The following PC variants were observed in gnomAD, a reference collection of about 807,000 sequenced individuals.
The protein encoded by PC is pyruvate carboxylase, mitochondrial.
In PC, 46 loss-of-function variants were observed where a neutral mutation model predicts 107.8. The observed-to-expected ratio is 0.43, with a 90% confidence interval of 0.34 to 0.55. The LOEUF is 0.55. PC is among the 20% of genes least tolerant of loss of function. The pLI is 0.04. For synonymous variants in PC, 662 were observed against 684.7 expected (o/e 0.97, Z 0.52); for missense variants, 1,241 against 1,643.1 (o/e 0.76, Z 4.23).
At chr11:66,920,177 G>A (rs1565287364) in intron 3 of PC, among the ~76,000 whole-genome samples, 1 of 152,218 alleles carries the variant, frequency 6.6e-6, no homozygotes, top group African/African-American at 2.4e-5. Context: ...GGGGAAAGAC[G>A]AGAGAGATGG....
In PC at chr11:66,863,871, G is replaced by T; in HGVS notation, c.1271C>A (p.Ser424Tyr). 6.2e-7 allele frequency: 1 copy of T among 1,614,132 alleles called. No homozygotes were observed. Among genetic ancestry groups the T allele is most frequent in the East Asian group, 2.2e-5 (1 of 44,882 alleles). The change falls in exon 12 of 23, where the codon TCC becomes TAC. Residue 424 changes from serine to tyrosine, a missense_variant. By Grantham distance (144) the Ser-to-Tyr change is moderately radical. Around this residue, in one of 2 missense-constraint regions of PC, gnomAD observed 1,143 missense variants for 1,551.9 expected, o/e 0.74. Transcript: ENST00000393960. ...GTGGGCAATGACTTTGACCAGCAGGGAGTCGTAGTGGGGCGAGATGACGGC... is the reference window on the plus strand; with the variant it reads ...GTGGGCAATGACTTTGACCAGCAGGTAGTCGTAGTGGGGCGAGATGACGGC... Reference protein sequence around the residue: ...QGAVISPHYDSLLVKVIAHGK... With the variant: ...QGAVISPHYDYLLVKVIAHGK...
intron 3 of PC, among the ~76,000 whole-genome samples, chr11:66,929,766 C>T (rs1272912655): frequency 6.6e-6 from 1 of 152,138 alleles, no homozygotes; most frequent in African/African-American, 2.4e-5. Flanking sequence ...ATCTTTCCAC[C>T]TTGTCCTCCC....
intron 22 of PC, 33 bp from the exon 23 acceptor site, chr11:66,849,180 C>T: frequency 6.2e-7 from 1 of 1,613,720 alleles, no homozygotes; most frequent in South Asian, 1.1e-5. Flanking sequence ...ACATGACATC[C>T]TGGGCCCAGC....
At position 66,907,347 on chromosome 11, in the gene PC, G is replaced by T. The variant is rs190498553; in HGVS notation, c.1-35188C>A. Among the ~76,000 whole-genome samples, 283 of 152,294 alleles carry T rather than the reference G, an allele frequency of 1.9e-3. 1 individual carries two copies. Among genetic ancestry groups the T allele is most frequent in the African/African-American group, 6.6e-3 (275 of 41,564 alleles). On this transcript the variant is annotated intron_variant, in intron 3 of 22. Transcript: ENST00000393960. Reference sequence around the variant, plus strand: ...GTTCAAGACCATCCTGGCCAGCATGGTGAAACCCCGTCTCTACGAAAAATA... The same window carrying T: ...GTTCAAGACCATCCTGGCCAGCATGTTGAAACCCCGTCTCTACGAAAAATA...
intron 3 of PC, among the ~76,000 whole-genome samples, chr11:66,908,214 T>G (rs536383776): frequency 1.3e-5 from 2 of 152,046 alleles, no homozygotes; most frequent in Non-Finnish European, 2.9e-5. Context: ...GCATCTGGCC[T>G]AAGGAAAGGA....
chr11:66,937,858 T>C (rs1418765326), intron 3 of PC, among the ~76,000 whole-genome samples: 2 of 150,484 alleles, frequency 1.3e-5, no homozygotes, highest in Admixed American at 6.7e-5. Flanking sequence ...CTCACTGCAA[T>C]CTCCACCTCC....
rs191401494 is a variant in PC at position 66,900,415 on chromosome 11, G to A, written c.1-28256C>T. ...CTGACCTCATGATCCGCCCGCCTTG[G>A]CCTCCCAAAGTGCTGGGATTACAGG... On this transcript the variant is annotated intron_variant, in intron 3 of 22. Coordinates refer to ENST00000393960, the MANE Select transcript of PC (RefSeq NM_001040716.2). Among the ~76,000 whole-genome samples the A allele has an allele frequency of 2.3e-3, 357 of 152,146 alleles. 1 individual carries two copies. Among genetic ancestry groups the A allele is most frequent in the Non-Finnish European group, 4.5e-3 (305 of 67,994 alleles).
Position 66,852,697 on chromosome 11 carries a change from G to A in PC, c.1604-37C>T, listed in dbSNP as rs767957058. On this transcript the variant is annotated intron_variant, in intron 14 of 22. Coordinates refer to ENST00000393960, the MANE Select transcript of PC (RefSeq NM_001040716.2). The surrounding 1 kb of genome is among the most constrained non-coding windows in gnomAD (Gnocchi z 4.7). ...AGGGGCATTGGTGCCCATCCTGCAGGTGGCAACCTCCTGTCTCCCCCATGA... is the reference window on the plus strand; with the variant it reads ...AGGGGCATTGGTGCCCATCCTGCAGATGGCAACCTCCTGTCTCCCCCATGA... 2.5e-6 allele frequency: 4 copies of A among 1,611,058 alleles called. No homozygotes were observed. Among genetic ancestry groups the A allele is most frequent in the South Asian group, 1.1e-5 (1 of 90,952 alleles).
chr11:66,956,714 C>A (rs79002627), intron 1 of PC, among the ~76,000 whole-genome samples: 1,534 of 152,338 alleles, frequency 0.01, 28 homozygotes, highest in African/African-American at 0.034. Flanking sequence ...ACCTCCTCCA[C>A]GAAGCCTTCC....
intron 21 of PC, 79 bp downstream of exon 21, chr11:66,849,531 TG>T: frequency 1.2e-6 from 2 of 1,611,936 alleles, no homozygotes; most frequent in Non-Finnish European, 1.7e-6. Context: ...CTTGCGAGGC[TG>T]GGTGACAGCC....
intron 10 of PC, among the ~76,000 whole-genome samples, chr11:66,867,430 G>A (rs1946542009): frequency 6.6e-6 from 1 of 152,170 alleles, no homozygotes; most frequent in Non-Finnish European, 1.5e-5. Flanking sequence ...ACTGAGGCTT[G>A]TGGTGAAGGC....
chr11:66,870,151 T>C lies in PC; in HGVS notation c.903+151A>G. 1 of 958,468 alleles carries C rather than the reference T, an allele frequency of 1.0e-6. No individual in the cohort carries two copies. 59.4% of individuals were successfully genotyped at this position (958,468 alleles called of 1,614,324 possible). On this transcript the variant is annotated intron_variant, in intron 9 of 22. Coordinates refer to ENST00000393960, the MANE Select transcript of PC (RefSeq NM_001040716.2). This position sits in a 1 kb window ranked among gnomAD's most constrained non-coding sequence, Gnocchi z 6.1. ...GGGAAGGATGCCACAAACCCACTTC[T>C]GGCCCCCAGGAGAGTCCTTCACCCT...
rs751412938 is a variant in PC, at chr11:66,863,846, G to A, written c.1296C>T (p.His432=). 2.2e-5 allele frequency: 36 copies of A among 1,613,890 alleles called. No individual in the cohort carries two copies. Among genetic ancestry groups the A allele is most frequent in the Middle Eastern group, 1.6e-4 (1 of 6,084 alleles). Residue 432 remains histidine (H), a synonymous_variant, in exon 12 of 23, where the codon CAC becomes CAT. Coordinates refer to ENST00000393960, the MANE Select transcript of PC (RefSeq NM_001040716.2). ...TGGCGGCCGTGGGGTGGTCTTTGCC[G>A]TGGGCAATGACTTTGACCAGCAGGG... ...YDSLLVKVIA[H]GKDHPTAATK...
chr11:66,872,670 G>C (rs1204311247), intron 3 of PC, among the ~76,000 whole-genome samples: 1 of 151,946 alleles, frequency 6.6e-6, no homozygotes, highest in Non-Finnish European at 1.5e-5. Flanking sequence ...AGGAGGCAGA[G>C]CTTGCAGCGA....
At chr11:66,937,780 G>T (rs866177454) in intron 3 of PC, among the ~76,000 whole-genome samples, 3,257 of 137,162 alleles carry the variant, frequency 0.024, 53 homozygotes, top group East Asian at 0.049. Flanking sequence ...GGTTTTTTTT[G>T]TTTTTTTTTT....
intron 3 of PC, among the ~76,000 whole-genome samples, chr11:66,879,229 G>A (rs1244195746): frequency 1.3e-5 from 2 of 152,206 alleles, no homozygotes; most frequent in African/African-American, 4.8e-5. Context: ...AGCACAGGCA[G>A]CCCACCCACC....
At chr11:66,895,838 T>C (rs774302294) in intron 3 of PC, among the ~76,000 whole-genome samples, 5 of 152,068 alleles carry the variant, frequency 3.3e-5, no homozygotes, top group Non-Finnish European at 7.4e-5. Context: ...GGATAGGACA[T>C]GAGTTTCCAC....
chr11:66,911,920 CT>C (rs748828388), intron 3 of PC, among the ~76,000 whole-genome samples: 6 of 151,812 alleles, frequency 4.0e-5, no homozygotes, highest in Non-Finnish European at 8.8e-5. Flanking sequence ...TAAATTCCAG[CT>C]ACTCGGAAGG....
In PC at chr11:66,849,741, T is replaced by C. The variant is rs1389242039; in HGVS notation, c.3017A>G (p.Asp1006Gly). The C allele has an allele frequency of 6.2e-7, 1 of 1,614,040 alleles. No homozygotes were observed. The highest frequency in any genetic ancestry group is 8.5e-7 in the Non-Finnish European group (1 of 1,180,032). ...DRHGEEVTPEDVLSAAMYPDV... is the reference protein window; with the variant it reads ...DRHGEEVTPEGVLSAAMYPDV... ...GGGGTACATAGCTGCTGAGAGCACA[T>C]CTTCCGGCGTCACCTCCTCCCCATG... The change falls in exon 21 of 23, where the codon GAT becomes GGT. Residue 1006 changes from aspartate (D) to glycine (G), a missense_variant. Around this residue, in one of 2 missense-constraint regions of PC, gnomAD observed 1,143 missense variants for 1,551.9 expected, o/e 0.74. Transcript: ENST00000393960.
Sources: gnomAD v4.1 joint callset for allele counts (sites outside exome capture counted in the v4.1 genomes callset) on GRCh38, gnomAD v4.1.1 for gene constraint, gnomAD v4.1.1 regional missense constraint, Gnocchi (gnomAD v3.1) non-coding constraint, MANE v1.5 for transcripts, NCBI Gene and HGNC (gene_info 2026-07-23, HGNC 2026-07-21) for gene names.